The following C10orf90 variants were observed in gnomAD, a reference collection of about 807,000 sequenced individuals.
C10orf90 encodes the protein (E2-independent) E3 ubiquitin-conjugating enzyme FATS.
A neutral mutation model predicts 62.5 loss-of-function variants in C10orf90; 56 were observed. The observed-to-expected ratio is 0.90, with a 90% confidence interval of 0.72 to 1.12. The LOEUF (loss-of-function observed/expected upper bound fraction) is 1.12. Ranked by LOEUF, C10orf90 falls within the 50% of genes most tolerant of loss-of-function variation. The pLI, the probability that C10orf90 is intolerant of heterozygous loss-of-function variation, is 0.00. For missense variants in C10orf90, 970 were observed against 880.4 expected, an observed-to-expected ratio of 1.10 and a Z score of -1.29; for synonymous variants, 386 against 340.4, an observed-to-expected ratio of 1.13 and a Z score of -1.47.
At chr10:126,571,288 C>T (rs1844500271) in intron 2 of C10orf90, among the ~76,000 whole-genome samples, 1 of 152,200 alleles carries the variant, frequency 6.6e-6, no homozygotes, top group Admixed American at 6.5e-5. Context: ...AGGGGGCTCC[C>T]ACAAACTTGT....
At chr10:126,614,419 G>C (rs894485221) in intron 2 of C10orf90, among the ~76,000 whole-genome samples, 2 of 152,140 alleles carry the variant, frequency 1.3e-5, no homozygotes, top group African/African-American at 4.8e-5. Flanking sequence ...GCCTTCAGTG[G>C]ATTCAGGGTT....
chr10:126,490,097 T>C (rs1306961934), intron 4 of C10orf90, among the ~76,000 whole-genome samples: 2 of 123,076 alleles, frequency 1.6e-5, no homozygotes, highest in African/African-American at 6.7e-5. Flanking sequence ...ATATATAATA[T>C]ATAATATATA....
chr10:126,468,431 C>A (rs1398691870), intron 4 of C10orf90, among the ~76,000 whole-genome samples: 1 of 152,180 alleles, frequency 6.6e-6, no homozygotes, highest in East Asian at 1.9e-4. Flanking sequence ...CCAGAGGAGG[C>A]TTCAGCAGGT....
intron 2 of C10orf90, among the ~76,000 whole-genome samples, chr10:126,613,363 A>G (rs1029059708): frequency 1.3e-5 from 2 of 152,016 alleles, no homozygotes; most frequent in African/African-American, 2.4e-5. Flanking sequence ...CAGTCTCCTG[A>G]GCAGTTGGGA....
intron 2 of C10orf90, among the ~76,000 whole-genome samples, chr10:126,613,617 G>A (rs1220979926): frequency 6.6e-6 from 1 of 152,156 alleles, no homozygotes; most frequent in Non-Finnish European, 1.5e-5. Context: ...ACTATATGAA[G>A]AAACTGAAAA....
chr10:126,566,449 C>T (rs574253736), intron 2 of C10orf90, among the ~76,000 whole-genome samples: 2 of 152,172 alleles, frequency 1.3e-5, no homozygotes, highest in African/African-American at 4.8e-5. Context: ...CCGCCAGTTT[C>T]AGTGAGTTCC....
At chr10:126,629,230 T>C (rs534706494) in intron 2 of C10orf90, among the ~76,000 whole-genome samples, 1 of 152,244 alleles carries the variant, frequency 6.6e-6, no homozygotes, top group Non-Finnish European at 1.5e-5. Flanking sequence ...TTGTGAAGGG[T>C]AAAAACTTTT....
At chr10:126,477,121 A>ATTTTTTTTTTTTTTTTTTTTTT (rs1860931042) in intron 4 of C10orf90, among the ~76,000 whole-genome samples, 1 of 37,650 alleles carries the variant, frequency 2.7e-5, no homozygotes. Flanking sequence ...TTTTTTTTGG[A>ATTTTTTTTTTTTTTTTTTTTTT]TTTTTGGAGC....
intron 4 of C10orf90, among the ~76,000 whole-genome samples, chr10:126,489,651 G>A (rs961796208): frequency 1.3e-5 from 2 of 151,918 alleles, no homozygotes; most frequent in Non-Finnish European, 2.9e-5. Context: ...CAACCACTAT[G>A]GAAAACAGAA....
intron 3 of C10orf90, among the ~76,000 whole-genome samples, chr10:126,509,175 G>T (rs1021048589): frequency 2.0e-5 from 3 of 152,218 alleles, no homozygotes; most frequent in Admixed American, 2.0e-4. Flanking sequence ...TGAGGGAAGA[G>T]CAATCATGAA....
intron 2 of C10orf90, among the ~76,000 whole-genome samples, chr10:126,566,333 C>T (rs1192670285): frequency 2.0e-5 from 3 of 152,168 alleles, no homozygotes; most frequent in Admixed American, 6.5e-5. Context: ...GTGTCAGGCA[C>T]TGTGCTAAGT....
chr10:126,597,818 AAGCAAT>A (rs1364044595), intron 2 of C10orf90, among the ~76,000 whole-genome samples: 1 of 152,172 alleles, frequency 6.6e-6, no homozygotes, highest in Admixed American at 6.5e-5. Flanking sequence ...CTCAGGCCAT[AAGCAAT>A]TCCTTACAAA....
At chr10:126,551,036 TACATTA>T (rs1864618984) in intron 2 of C10orf90, among the ~76,000 whole-genome samples, 1 of 152,192 alleles carries the variant, frequency 6.6e-6, no homozygotes, top group African/African-American at 2.4e-5. Context: ...TCTCAATCAT[TACATTA>T]AATGTAAATG....
intron 2 of C10orf90, among the ~76,000 whole-genome samples, chr10:126,623,727 G>T (rs541123946): frequency 6.6e-5 from 10 of 151,784 alleles, no homozygotes; most frequent in African/African-American, 1.9e-4. Flanking sequence ...TGTAATCTCA[G>T]CTACTCTGGA....
intron 2 of C10orf90, among the ~76,000 whole-genome samples, chr10:126,600,119 A>G (rs1378591042): frequency 6.6e-6 from 1 of 151,988 alleles, no homozygotes; most frequent in Non-Finnish European, 1.5e-5. Context: ...ATGCGTGTGC[A>G]CGCAGGTGTG....
At chr10:126,481,846 C>G (rs1286747487) in intron 4 of C10orf90, among the ~76,000 whole-genome samples, 1 of 152,166 alleles carries the variant, frequency 6.6e-6, no homozygotes, top group African/African-American at 2.4e-5. Context: ...GTCCCAAAGA[C>G]CAGCCATAAA....
intron 3 of C10orf90, among the ~76,000 whole-genome samples, chr10:126,510,319 T>G (rs1863026357): frequency 6.6e-6 from 1 of 152,204 alleles, no homozygotes; most frequent in Non-Finnish European, 1.5e-5. Context: ...TGGGGGGTTA[T>G]TCAATGTTCC....
chr10:126,560,376 G>A (rs971894843), intron 2 of C10orf90, among the ~76,000 whole-genome samples: 5 of 152,140 alleles, frequency 3.3e-5, no homozygotes, highest in Admixed American at 6.5e-5. Flanking sequence ...TTCGAGGCAC[G>A]GTGATAAATG....
intron 2 of C10orf90, among the ~76,000 whole-genome samples, chr10:126,637,399 C>A (rs910517651): frequency 1.3e-5 from 2 of 152,264 alleles, no homozygotes; most frequent in African/African-American, 2.4e-5. Flanking sequence ...CCCATTCCCC[C>A]ACCAGGGGGT....
Sources: allele counts gnomAD v4.1 joint callset (sites outside exome capture counted in the v4.1 genomes callset), GRCh38; gene constraint gnomAD v4.1.1; transcripts MANE v1.5; gene names NCBI Gene and HGNC (gene_info 2026-07-23, HGNC 2026-07-21).